IQSEC1: variants seen among roughly 807,000 people sequenced by gnomAD.
The protein encoded by IQSEC1 is IQ motif and SEC7 domain-containing protein 1.
In IQSEC1, 31 loss-of-function variants were observed where a neutral mutation model predicts 91.0. The observed-to-expected ratio is 0.34, with a 90% CI of 0.26 to 0.46. The LOEUF is 0.46. Ranked by LOEUF, IQSEC1 falls within the 20% of genes least tolerant of loss-of-function variation. IQSEC1 has a pLI of 1.00. For synonymous variants in IQSEC1, 699 were observed against 662.6 expected (o/e 1.05, Z -0.84); for missense variants, 1,388 against 1,575.6 (o/e 0.88, Z 2.02).
chr3:13,074,093 G>A (rs142805132), upstream of IQSEC1, among the ~76,000 whole-genome samples: 158 of 152,352 alleles, frequency 1.0e-3, 1 homozygote, highest in African/African-American at 3.5e-3. Flanking sequence ...AAGCCAGGAA[G>A]TAAGTGTGCA....
At chr3:12,929,803 G>A (rs1261891438) in intron 3 of IQSEC1, among the ~76,000 whole-genome samples, 2 of 152,196 alleles carry the variant, frequency 1.3e-5, no homozygotes, top group Non-Finnish European at 2.9e-5. Context: ...CCCCGGCCCT[G>A]CTGCCCCCTA....
chr3:13,234,392 T>C (rs899665363), intron 1 of IQSEC1, among the ~76,000 whole-genome samples: 3 of 152,166 alleles, frequency 2.0e-5, no homozygotes, highest in Non-Finnish European at 4.4e-5. Context: ...CCTGGGCAGC[T>C]GCTCCACAGG....
At chr3:13,058,327 C>T (rs1182079025) in intron 1 of IQSEC1, among the ~76,000 whole-genome samples, 1 of 152,214 alleles carries the variant, frequency 6.6e-6, no homozygotes, top group Non-Finnish European at 1.5e-5. Flanking sequence ...AGACACTGGG[C>T]TGGGCACTTC....
intron 9 of IQSEC1, 106 bp from the exon 10 acceptor site, chr3:12,911,834 G>A: frequency 3.8e-6 from 3 of 780,100 alleles, no homozygotes; most frequent in Non-Finnish European, 6.7e-6. Flanking sequence ...CAGGAGGACA[G>A]GGACAAGCCC....
chr3:12,913,419 G>GC lies in IQSEC1; in HGVS notation c.2316+8dup. The GC allele has an allele frequency of 5.0e-6, 8 of 1,585,768 alleles. No individual in the cohort carries two copies. Among genetic ancestry groups the GC allele is most frequent in the Non-Finnish European group, 6.9e-6 (8 of 1,163,070 alleles). Reference sequence around the variant, plus strand: ...CCCTGCTACAATGCCTTGTGGGTGAGCCACATACCACCAGGAGGTCGTTGA... The same window carrying GC: ...CCCTGCTACAATGCCTTGTGGGTGAGCCCACATACCACCAGGAGGTCGTTGA... On this transcript the variant is annotated intron_variant, in intron 9 of 13. Transcript: ENST00000613206.
At chr3:13,219,400 C>T (rs1236345920) in intron 1 of IQSEC1, among the ~76,000 whole-genome samples, 1 of 152,220 alleles carries the variant, frequency 6.6e-6, no homozygotes, top group Non-Finnish European at 1.5e-5. Context: ...ACCCCACAGC[C>T]CCCCAGGGAG....
At chr3:13,183,805 G>C (rs1483421819) in intron 1 of IQSEC1, among the ~76,000 whole-genome samples, 1 of 152,064 alleles carries the variant, frequency 6.6e-6, no homozygotes, top group East Asian at 1.9e-4. Flanking sequence ...ATAGTTTGCT[G>C]ACCCATGCTC....
At chr3:12,968,817 G>A (rs1051158408) in intron 1 of IQSEC1, among the ~76,000 whole-genome samples, 2 of 152,200 alleles carry the variant, frequency 1.3e-5, no homozygotes, top group African/African-American at 2.4e-5. Flanking sequence ...GCAGGCCTAC[G>A]GGAGTCAGGA....
At chr3:13,165,038 G>T (rs373317909) in intron 1 of IQSEC1, among the ~76,000 whole-genome samples, 1 of 152,176 alleles carries the variant, frequency 6.6e-6, no homozygotes, top group Non-Finnish European at 1.5e-5. Flanking sequence ...AGCCCCAGGG[G>T]ATGCCTTTCC....
In IQSEC1 at chr3:12,922,272, G is replaced by GCA. The variant is rs1696702237; in HGVS notation, c.1731-32_1731-31dup. 2.0e-6 allele frequency: 3 copies of GCA among 1,524,554 alleles called. No individual in the cohort carries two copies. Among genetic ancestry groups the GCA allele is most frequent in the African/African-American group, 1.4e-5 (1 of 71,818 alleles). 94.4% of individuals were successfully genotyped at this position (1,524,554 alleles called of 1,614,324 possible). ...AATAGAGACAGACAGCCCCGCATAA[G>GCA]CACCCCTTGCAGGTGCGACACGCCC... On this transcript the variant is annotated intron_variant, in intron 4 of 13. Coordinates refer to ENST00000613206, the MANE Select transcript of IQSEC1 (RefSeq NM_001134382.3). The surrounding 1 kb of genome is among the most constrained non-coding windows in gnomAD (Gnocchi z 5.1).
At chr3:12,933,006 T>G (rs1697823742) in intron 3 of IQSEC1, among the ~76,000 whole-genome samples, 1 of 152,200 alleles carries the variant, frequency 6.6e-6, no homozygotes, top group African/African-American at 2.4e-5. Context: ...GGTACATGAT[T>G]CCCTTAAAGG....
chr3:13,234,979 G>C (rs954009664), intron 1 of IQSEC1, among the ~76,000 whole-genome samples: 1 of 152,196 alleles, frequency 6.6e-6, no homozygotes, highest in Non-Finnish European at 1.5e-5. Flanking sequence ...GAAGAGATGG[G>C]TGCAGGAGAG....
In IQSEC1 at chr3:12,913,534, C is replaced by T. The variant is rs773493024; in HGVS notation, c.2210G>A (p.Arg737His). 5 of 1,605,102 alleles carry T rather than the reference C, an allele frequency of 3.1e-6. No homozygotes were observed. Among genetic ancestry groups the T allele is most frequent in the East Asian group, 2.3e-5 (1 of 44,440 alleles). ...GLGCVLSLPH[R>H]RLVCYCRLFE... ...GAGCCGGCAGTAGCAGACCAACCGA[C>T]GGTGGGGCAGAGAGAGCACCTGTGT... Residue 737 changes from arginine to histidine, a missense_variant, in exon 9 of 14, where the codon CGT (arginine) becomes CAT (histidine). Physicochemically the swap from Arg to His is conservative, Grantham distance 29. Transcript: ENST00000613206.
chr3:13,255,674 C>T (rs9824080), intron 1 of IQSEC1, among the ~76,000 whole-genome samples: 36,666 of 151,592 alleles, frequency 0.24, 5,206 homozygotes, highest in African/African-American at 0.41. Context: ...TGAAGAGCAG[C>T]GGAGGGATCA....
intron 2 of IQSEC1, among the ~76,000 whole-genome samples, chr3:13,085,473 CT>C (rs148644045): frequency 0.073 from 11,142 of 152,254 alleles, 460 homozygotes; most frequent in Middle Eastern, 0.19. Context: ...TCCTGGGATT[CT>C]GACGTAAGAA....
chr3:13,081,893 T>G (rs1705652206), intron 2 of IQSEC1, among the ~76,000 whole-genome samples: 1 of 152,234 alleles, frequency 6.6e-6, no homozygotes, highest in South Asian at 2.1e-4. Flanking sequence ...AATGACTGAA[T>G]GCACTTGATG....
At chr3:13,159,012 G>A (rs1299942482) in intron 2 of IQSEC1, among the ~76,000 whole-genome samples, 1 of 152,058 alleles carries the variant, frequency 6.6e-6, no homozygotes, top group African/African-American at 2.4e-5. Context: ...CTGCACTTCA[G>A]TCAGCTCATG....
intron 1 of IQSEC1, among the ~76,000 whole-genome samples, chr3:13,194,295 C>A (rs1210226700): frequency 6.6e-6 from 1 of 152,144 alleles, no homozygotes; most frequent in Non-Finnish European, 1.5e-5. Flanking sequence ...GGTGCTCACT[C>A]CGCAGCTGCC....
At chr3:13,100,493 G>A (rs1362635978) in intron 2 of IQSEC1, among the ~76,000 whole-genome samples, 1 of 148,778 alleles carries the variant, frequency 6.7e-6, no homozygotes, top group East Asian at 1.9e-4. Context: ...CTTTCAGCAT[G>A]GACCAACTTC....
Sources: allele counts gnomAD v4.1 joint callset (sites outside exome capture counted in the v4.1 genomes callset), GRCh38; gene constraint gnomAD v4.1.1; non-coding constraint Gnocchi (gnomAD v3.1); transcripts MANE v1.5; gene names NCBI Gene and HGNC (gene_info 2026-07-23, HGNC 2026-07-21).